Variants in PAQR3 observed in about 807,000 individuals in gnomAD.
PAQR3 encodes Raf kinase trapping to Golgi.
In PAQR3, 39 loss-of-function variants were observed where a neutral mutation model predicts 41.7. That is an observed-to-expected ratio of 0.93 (90% CI 0.72 to 1.22). PAQR3 has a LOEUF of 1.22. PAQR3 is among the 50% of genes most tolerant of loss of function. PAQR3 has a pLI of 0.00. For missense variants in PAQR3, 366 were observed against 385.6 expected (o/e 0.95, Z 0.42); for synonymous variants, 140 against 140.6 (o/e 1.00, Z 0.03).
At chr4:78,890,852 A>G (rs1733395095) in intron 11 of PAQR3, among the ~76,000 whole-genome samples, 1 of 151,550 alleles carries the variant, frequency 6.6e-6, no homozygotes, top group Non-Finnish European at 1.5e-5. Context: ...TAGTAAAGCA[A>G]CTCCTCTAGT....
intron 11 of PAQR3, among the ~76,000 whole-genome samples, chr4:78,896,442 A>G (rs1218528174): frequency 6.6e-6 from 1 of 152,200 alleles, no homozygotes; most frequent in Non-Finnish European, 1.5e-5. Context: ...CAAATCACCT[A>G]CTTGCTGTGT....
At chr4:78,893,958 C>G (rs1406713488) in intron 11 of PAQR3, among the ~76,000 whole-genome samples, 1 of 152,180 alleles carries the variant, frequency 6.6e-6, no homozygotes, top group Non-Finnish European at 1.5e-5. Context: ...TCTTCTTGTA[C>G]TTCTCCATCA....
intron 11 of PAQR3, among the ~76,000 whole-genome samples, chr4:78,902,501 G>A (rs976997602): frequency 6.7e-6 from 1 of 149,620 alleles, no homozygotes; most frequent in African/African-American, 2.6e-5. Flanking sequence ...AAATTGCTGG[G>A]AGATGATGGC....
intron 11 of PAQR3, among the ~76,000 whole-genome samples, chr4:78,899,655 ATT>A (rs538919816): frequency 2.3e-4 from 34 of 146,212 alleles, no homozygotes; most frequent in African/African-American, 7.9e-4. Flanking sequence ...TGAAGAAAGA[ATT>A]TTTTTTTTTT....
At chr4:78,891,230 A>T (rs574620511) in intron 11 of PAQR3, among the ~76,000 whole-genome samples, 6 of 151,966 alleles carry the variant, frequency 3.9e-5, no homozygotes, top group African/African-American at 1.4e-4. Flanking sequence ...CTCTTTTCTG[A>T]TCCTTTATGT....
At chr4:78,920,938 C>G (rs1735601932) in intron 5 of PAQR3, among the ~76,000 whole-genome samples, 1 of 151,750 alleles carries the variant, frequency 6.6e-6, no homozygotes, top group Admixed American at 6.6e-5. Context: ...AACTTAATTT[C>G]AGGAATTTGA....
chr4:78,934,584 C>A (rs1045994760), intron 2 of PAQR3, among the ~76,000 whole-genome samples: 2 of 152,024 alleles, frequency 1.3e-5, no homozygotes, highest in Non-Finnish European at 2.9e-5. Flanking sequence ...AATGCCAGTG[C>A]TATGGAACTA....
Position 78,926,620 on chromosome 4 carries a change from C to A in PAQR3, c.603G>T (p.Arg201Ser), listed in dbSNP as rs750880446. Reference sequence around the variant, plus strand: ...CAGAACAAAAGATGATAGAACGGAGCCTTTGCCATTGCTGCGTGAGGTAAT... The same window carrying A: ...CAGAACAAAAGATGATAGAACGGAGACTTTGCCATTGCTGCGTGAGGTAAT... ...HPNYLTQQWQ[R>S]LRSIIFCSVS... The change falls in exon 4 of 6, where the codon AGG (arginine) becomes AGT (serine). Residue 201 changes from arginine (R) to serine (S), a missense_variant. Transcript: ENST00000512733. 3 of 1,613,904 alleles carry A rather than the reference C, an allele frequency of 1.9e-6. No individual in the cohort carries two copies. The highest frequency in any genetic ancestry group is 8.5e-7 in the Non-Finnish European group (1 of 1,179,810).
At position 78,920,354 on chromosome 4, in the gene PAQR3, A is replaced by T. The variant is rs1234292239; in HGVS notation, c.*185T>A. The stretch of plus-strand genomic sequence containing the variant: ...GTACAAGCAGCAAATTAGTAGTTTT[A>T]AGGATTTTGTAAAGCAGTTATTACT... On this transcript the variant is annotated 3_prime_UTR_variant, in exon 6 of 6. Coordinates refer to ENST00000512733, the MANE Select transcript of PAQR3 (RefSeq NM_001040202.2). The T allele has an allele frequency of 1.6e-6, 2 of 1,225,630 alleles. No homozygotes were observed. The highest frequency in any genetic ancestry group is 3.1e-5 in the African/African-American group (2 of 63,920). The allele number at this position is 1,225,630 out of a possible 1,614,324, so 75.9% of individuals were successfully genotyped here. A position where few individuals can be genotyped will look rare whatever the true frequency, so the allele number is the denominator to read the frequency against.
chr4:78,900,402 A>G (rs1159057632), intron 11 of PAQR3, among the ~76,000 whole-genome samples: 2 of 152,176 alleles, frequency 1.3e-5, no homozygotes, highest in Non-Finnish European at 2.9e-5. Context: ...TCAAGGCTCA[A>G]CTGTATATAG....
Position 78,935,135 on chromosome 4 carries a change from G to A in PAQR3, c.334C>T (p.Leu112Phe). 1.9e-6 allele frequency: 3 copies of A among 1,612,720 alleles called. No homozygotes were observed. The highest frequency in any genetic ancestry group is 2.5e-6 in the Non-Finnish European group (3 of 1,179,566). ...AAATGACTTACCTGGAAGCAGAAAA[G>A]ACAAATAGAACAAATTACAAAATCT... ...REDFVICSIC[L>F]FCFQVCMLCS... The change falls in exon 2 of 6, where the codon CTT (leucine) becomes TTT (phenylalanine). Residue 112 changes from leucine to phenylalanine, a missense_variant. Leu to Phe is a conservative substitution (Grantham distance 22, BLOSUM62 0). Transcript: ENST00000512733.
In PAQR3 at chr4:78,929,464, G is replaced by A. The variant is rs149163943; in HGVS notation, c.504+706C>T. On this transcript the variant is annotated intron_variant, in intron 3 of 5. Coordinates refer to ENST00000512733, the MANE Select transcript of PAQR3 (RefSeq NM_001040202.2). ...GGTGATGAGTTAAGGGTTCTACTCC[G>A]TAAGGTTTGGTTGGCCAATATTTTT... Among the ~76,000 whole-genome samples, 407 of 152,314 alleles carry A rather than the reference G, an allele frequency of 2.7e-3. 6 individuals are homozygous for A. The highest frequency in any genetic ancestry group is 0.025 in the Admixed American group (384 of 15,304).
At chr4:78,910,840 C>T (rs1403989656), downstream of PAQR3, 3 of 1,613,938 alleles carry the variant, frequency 1.9e-6, no homozygotes, top group Non-Finnish European at 2.5e-6. Flanking sequence ...TGAAGAAGTT[C>T]TTCAGGGGGA....
intron 11 of PAQR3, among the ~76,000 whole-genome samples, chr4:78,888,823 A>AAACCAGTAGGT (rs1162369481): frequency 1.3e-5 from 2 of 152,242 alleles, no homozygotes; most frequent in Non-Finnish European, 2.9e-5. Context: ...CCCAGTATAC[A>AAACCAGTAGGT]ACCCAGTAGG....
rs539049858 is a variant in PAQR3 at position 78,920,397 on chromosome 4, CT to C, written c.*141del. On this transcript the variant is annotated 3_prime_UTR_variant, in exon 6 of 6. Transcript: ENST00000512733. ...TTATTACTACAGATCCTTAAGTATA[CT>C]TTTTTTCCCATTTTTATAAAGCATT... is the stretch of plus-strand genomic sequence containing the variant. 705 of 1,300,202 alleles carry C rather than the reference CT, an allele frequency of 5.4e-4. 4 individuals carry two copies. The African/African-American group carries it at 8.6e-3, about 16-fold the overall frequency. The allele number at this position is 1,300,202 out of a possible 1,614,324, so 80.5% of individuals were successfully genotyped here.
rs1213313197 is a variant in PAQR3, at chr4:78,915,749, A to G, written c.*4790T>C. On this transcript the variant is annotated 3_prime_UTR_variant, in exon 6 of 6. Coordinates refer to ENST00000512733, the MANE Select transcript of PAQR3 (RefSeq NM_001040202.2). ...CATTCACTCCTAGTGAGGGTTTACA[A>G]AAGCTACTAAGAGAATAAGGTAGAT... 1 of 152,002 alleles carries G rather than the reference A, an allele frequency of 6.6e-6. No homozygotes were observed. The highest frequency in any genetic ancestry group is 2.4e-5 in the African/African-American group (1 of 41,434). 9.4% of individuals were successfully genotyped at this position (152,002 alleles called of 1,614,324 possible). A position where few individuals can be genotyped will look rare whatever the true frequency, so the allele number is the denominator to read the frequency against.
At chr4:78,932,559 T>C (rs969036035) in intron 2 of PAQR3, among the ~76,000 whole-genome samples, 1 of 152,184 alleles carries the variant, frequency 6.6e-6, no homozygotes, top group Non-Finnish European at 1.5e-5. Flanking sequence ...AAACTCATTG[T>C]TTAACGCAAA....
chr4:78,938,186 GCGACCTGGAGCTAAC>G (rs1164628027), intron 1 of PAQR3, among the ~76,000 whole-genome samples: 3 of 152,214 alleles, frequency 2.0e-5, no homozygotes, highest in Non-Finnish European at 4.4e-5. Context: ...TGCCACTACA[GCGACCTGGAGCTAAC>G]CAACACCTGT....
chr4:78,928,154 G>A (rs758660409), intron 3 of PAQR3, among the ~76,000 whole-genome samples: 24 of 152,130 alleles, frequency 1.6e-4, no homozygotes, highest in Non-Finnish European at 3.1e-4. Flanking sequence ...TTTAGCAAGA[G>A]GTAAACAGAA....
Sources: gnomAD v4.1 joint callset for allele counts (sites outside exome capture counted in the v4.1 genomes callset) on GRCh38, gnomAD v4.1.1 for gene constraint, MANE v1.5 for transcripts, NCBI Gene and HGNC (gene_info 2026-07-23, HGNC 2026-07-21) for gene names.